DLC1: variants seen among roughly 807,000 people sequenced by gnomAD.
DLC1 encodes DLC1 Rho GTPase activating protein, also known as rho GTPase-activating protein 7.
A neutral mutation model predicts 140.3 loss-of-function variants in DLC1; 54 were observed. The observed-to-expected ratio is 0.38, with a 90% CI of 0.31 to 0.48. The LOEUF is 0.48. Among genes scored for constraint, DLC1 ranks in the 20% least tolerant of loss-of-function variants. The probability of loss-of-function intolerance (pLI) is 0.96; values close to 1 mark genes in which losing one functional copy is unlikely to be tolerated. For missense variants in DLC1, 2,536 were observed against 1,907.0 expected, an observed-to-expected ratio of 1.33 and a Z score of -6.14; for synonymous variants, 986 against 728.1, an observed-to-expected ratio of 1.35 and a Z score of -5.70.
At chr8:13,332,829 T>C (rs1833654264) in intron 4 of DLC1, among the ~76,000 whole-genome samples, 1 of 152,194 alleles carries the variant, frequency 6.6e-6, no homozygotes, top group Admixed American at 6.5e-5. Flanking sequence ...AGAATTAATA[T>C]AGTTTATTTG....
intron 5 of DLC1, among the ~76,000 whole-genome samples, chr8:13,153,396 C>T (rs7819945): frequency 6.6e-6 from 1 of 152,010 alleles, no homozygotes; most frequent in African/African-American, 2.4e-5. Context: ...TTCACAGTGA[C>T]TGTTACAGCT....
chr8:13,366,171 C>T (rs1380788086), intron 4 of DLC1, among the ~76,000 whole-genome samples: 2 of 152,190 alleles, frequency 1.3e-5, no homozygotes, highest in Non-Finnish European at 2.9e-5. Context: ...TCCTCCTAGT[C>T]CTGGAATTCC....
rs186511083 is a variant in DLC1, at chr8:13,545,183, C to G, written c.-125-44987G>C. ...ATATTTGAGTTCACAAAAGAACTAACATTGCATTTAAAATTTTCATTTTTA... is the reference window on the plus strand; with the variant it reads ...ATATTTGAGTTCACAAAAGAACTAAGATTGCATTTAAAATTTTCATTTTTA... On this transcript the variant is annotated intron_variant, in intron 1 of 1. Transcript: ENST00000631382. 6.6e-5 allele frequency among the ~76,000 whole-genome samples: 10 copies of G among 152,062 alleles called. No homozygotes were observed. In the East Asian group the frequency reaches 1.9e-3, roughly 29 times the overall value.
At chr8:13,398,299 C>T (rs1308106465) in intron 3 of DLC1, among the ~76,000 whole-genome samples, 5 of 147,410 alleles carry the variant, frequency 3.4e-5, no homozygotes, top group African/African-American at 7.5e-5. Flanking sequence ...TTCCCCATCA[C>T]ATCTCTTCTC....
chr8:13,200,066 T>A (rs137927309), intron 5 of DLC1, among the ~76,000 whole-genome samples: 143 of 152,216 alleles, frequency 9.4e-4, no homozygotes, highest in African/African-American at 3.1e-3. Flanking sequence ...TATTTGAGAC[T>A]GAATCTCACA....
At chr8:13,574,518 G>A (rs1038947061) in intron 1 of DLC1, among the ~76,000 whole-genome samples, 5 of 152,100 alleles carry the variant, frequency 3.3e-5, no homozygotes, top group African/African-American at 1.2e-4. Context: ...GAGGTGCTAA[G>A]AAGCCACATA....
rs188910962 is a variant in DLC1 at position 13,198,755 on chromosome 8, T to A, written c.1349-83098A>T. Among the ~76,000 whole-genome samples, 328 of 151,798 alleles carry A rather than the reference T, an allele frequency of 2.2e-3. 1 individual carries two copies. The highest frequency in any genetic ancestry group is 3.8e-3 in the Non-Finnish European group (261 of 67,928). ...TTTTTTGAAATGGAGTCTCGCTCTG[T>A]CACCCAGGCTGGAGAACAGTGTGCG... On this transcript the variant is annotated intron_variant, in intron 5 of 17. Transcript: ENST00000276297.
At chr8:13,531,064 G>T (rs1263522900) in intron 1 of DLC1, among the ~76,000 whole-genome samples, 1 of 152,116 alleles carries the variant, frequency 6.6e-6, no homozygotes. Context: ...AGATCCCAGA[G>T]TTCTCCCTCT....
chr8:13,524,112 TTATTA>T (rs1563419578), intron 1 of DLC1, among the ~76,000 whole-genome samples: 7 of 8,118 alleles, frequency 8.6e-4, no homozygotes, highest in African/African-American at 2.0e-3. Context: ...ATTCTATTTA[TTATTA>T]TTATTATTAT....
At chr8:13,566,712 A>G (rs1459310131) in intron 1 of DLC1, 1 of 424,840 alleles carries the variant, frequency 2.4e-6, no homozygotes, top group Non-Finnish European at 4.2e-6. Flanking sequence ...GAGAAGCAGG[A>G]GTGCAGAAGA....
At chr8:13,329,813 C>T (rs1833511264) in intron 4 of DLC1, among the ~76,000 whole-genome samples, 1 of 152,104 alleles carries the variant, frequency 6.6e-6, no homozygotes, top group Non-Finnish European at 1.5e-5. Flanking sequence ...TTTTTGTCCT[C>T]TCTATACCAG....
chr8:13,571,446 A>G (rs1350141224), intron 1 of DLC1, among the ~76,000 whole-genome samples: 1 of 152,222 alleles, frequency 6.6e-6, no homozygotes, highest in African/African-American at 2.4e-5. Context: ...GATACTTCAT[A>G]TCAGTGCAAT....
chr8:13,361,018 CT>C (rs1835201555), intron 4 of DLC1, among the ~76,000 whole-genome samples: 1 of 151,906 alleles, frequency 6.6e-6, no homozygotes, highest in African/African-American at 2.4e-5. Flanking sequence ...AATGTTTGAG[CT>C]CAGGAGTTCA....
At chr8:13,163,802 T>C (rs1014927319) in intron 5 of DLC1, among the ~76,000 whole-genome samples, 4 of 151,386 alleles carry the variant, frequency 2.6e-5, no homozygotes, top group African/African-American at 9.7e-5. Context: ...CCTCTATGTC[T>C]ACAAACACAA....
intron 5 of DLC1, among the ~76,000 whole-genome samples, chr8:13,131,718 C>T (rs965413600): frequency 6.6e-6 from 1 of 152,222 alleles, no homozygotes; most frequent in African/African-American, 2.4e-5. Context: ...ATCCTCACAA[C>T]CTCCCCGCGC....
chr8:13,499,614 A>G lies in DLC1; in HGVS notation c.458T>C (p.Ile153Thr). 1 of 1,614,106 alleles carries G rather than the reference A, an allele frequency of 6.2e-7. No homozygotes were observed. The highest frequency in any genetic ancestry group is 8.5e-7 in the Non-Finnish European group (1 of 1,180,006). The change falls in exon 2 of 18, where the codon ATC becomes ACC. Residue 153 changes from isoleucine to threonine, a missense_variant. Coordinates refer to ENST00000276297, the MANE Select transcript of DLC1 (RefSeq NM_182643.3). ...AGAAGAAACTTGGTTACTTTGTATG[A>G]TGGGCAGTGCCTTTTCTAAGGAGCC... ...GAGSLEKALP[I>T]IQSNQVSSNS...
intron 1 of DLC1, among the ~76,000 whole-genome samples, chr8:13,600,691 T>G (rs1805846254): frequency 1.3e-5 from 2 of 151,916 alleles, no homozygotes; most frequent in Non-Finnish European, 2.9e-5. Context: ...AATCTTGGTA[T>G]TTGAAGAATT....
intron 5 of DLC1, chr8:13,132,973 C>A: frequency 1.9e-6 from 3 of 1,611,388 alleles, no homozygotes; most frequent in Non-Finnish European, 2.5e-6. Flanking sequence ...CGGCTTCTTT[C>A]TGCACATCAA....
intron 4 of DLC1, among the ~76,000 whole-genome samples, chr8:13,319,309 C>T (rs1405050572): frequency 3.9e-5 from 6 of 152,304 alleles, no homozygotes; most frequent in South Asian, 2.1e-4. Flanking sequence ...TTCCCTGCCC[C>T]GCCCTCCACT....
Sources: allele counts gnomAD v4.1 joint callset (sites outside exome capture counted in the v4.1 genomes callset), GRCh38; gene constraint gnomAD v4.1.1; transcripts MANE v1.5; gene names NCBI Gene and HGNC (gene_info 2026-07-23, HGNC 2026-07-21).